The following CNKSR3 variants were observed in gnomAD, a reference collection of about 807,000 sequenced individuals.
The protein encoded by CNKSR3 is CNKSR family member 3.
CNKSR3 carries 36 observed loss-of-function variants against 67.7 expected under a neutral mutation model. The ratio of observed to expected loss-of-function variants is 0.53; its 90% CI spans 0.41 to 0.70. The LOEUF is 0.70. CNKSR3 is among the 30% of genes least tolerant of loss of function. CNKSR3 has a pLI of 0.00. For missense variants in CNKSR3, 630 were observed against 695.2 expected (o/e 0.91, Z 1.05); for synonymous variants, 281 against 271.4 (o/e 1.04, Z -0.35).
chr6:154,492,745 C>CAA (rs71268487), intron 1 of CNKSR3, among the ~76,000 whole-genome samples: 22,677 of 113,458 alleles, frequency 0.2, 2,045 homozygotes, highest in African/African-American at 0.26. Flanking sequence ...GACTCTGTCT[C>CAA]AAAAAAAAAA....
intron 1 of CNKSR3, among the ~76,000 whole-genome samples, chr6:154,472,971 G>GATA (rs1786363959): frequency 6.6e-6 from 1 of 152,146 alleles, no homozygotes; most frequent in Non-Finnish European, 1.5e-5. Flanking sequence ...GAGCTTTTAT[G>GATA]GAGGGCCTGC....
Position 154,510,221 on chromosome 6 carries a change from C to T in CNKSR3, c.-107G>A, listed in dbSNP as rs919452512. 10 of 1,332,050 alleles carry T rather than the reference C, an allele frequency of 7.5e-6. No homozygotes were observed. In the African/African-American group the frequency reaches 1.0e-4, roughly 13 times the overall value. The allele number at this position is 1,332,050 out of a possible 1,614,324, so 82.5% of individuals were successfully genotyped here. A position where few individuals can be genotyped will look rare whatever the true frequency, so the allele number is the denominator to read the frequency against. ...GGGCGCGCCCGCGGCTGCTCCCCTG[C>T]GCCCGAGCGACTCCGTCAAGACTGC... On this transcript the variant is annotated 5_prime_UTR_variant, in exon 1 of 13. Transcript: ENST00000607772.
chr6:154,441,449 A>AGCTATGCTTACC, intron 3 of CNKSR3, 70 bp from the exon 4 acceptor site: 23 of 1,102,194 alleles, frequency 2.1e-5, no homozygotes, highest in Non-Finnish European at 2.9e-5. Context: ...GGATGTTGGT[A>AGCTATGCTTACC]AGCATAGCTA....
At position 154,487,493 on chromosome 6, in the gene CNKSR3, T is replaced by C. The variant is rs1208877703; in HGVS notation, c.52+22570A>G. On this transcript the variant is annotated intron_variant, in intron 1 of 12. Coordinates refer to ENST00000607772, the MANE Select transcript of CNKSR3 (RefSeq NM_173515.4). ...CATGAGAGGAGTAAAGGATCCAAAC[T>C]TGGGCAGCTCCTGAACAGCCCTGGT... 2.6e-5 allele frequency among the ~76,000 whole-genome samples: 4 copies of C among 152,282 alleles called. 1 individual carries two copies. In the South Asian group the frequency reaches 6.2e-4, roughly 24 times the overall value.
At position 154,400,059 on chromosome 6, in the gene CNKSR3, C is replaced by T. The variant is rs1368470955; in HGVS notation, c.*6295G>A. The T allele has an allele frequency of 6.6e-6, 1 of 152,156 alleles. No homozygotes were observed. The highest frequency in any genetic ancestry group is 1.9e-4 in the East Asian group (1 of 5,194). The allele number at this position is 152,156 out of a possible 1,614,324, so 9.4% of individuals were successfully genotyped here. A position where few individuals can be genotyped will look rare whatever the true frequency, so the allele number is the denominator to read the frequency against. ...TATCCCTGGGTGTGAGGAGTAATTA[C>T]TCTACTGCCCTTTTAAATACCTTTG... On this transcript the variant is annotated 3_prime_UTR_variant, in exon 13 of 13. Coordinates refer to ENST00000607772, the MANE Select transcript of CNKSR3 (RefSeq NM_173515.4).
intron 1 of CNKSR3, among the ~76,000 whole-genome samples, chr6:154,457,940 G>A (rs933003100): frequency 2.0e-5 from 3 of 152,162 alleles, no homozygotes; most frequent in Admixed American, 6.5e-5. Flanking sequence ...CTGTTCTGCT[G>A]AGTTTCTCCA....
At chr6:154,462,843 A>G (rs181621044) in intron 1 of CNKSR3, among the ~76,000 whole-genome samples, 21 of 152,268 alleles carry the variant, frequency 1.4e-4, no homozygotes, top group African/African-American at 4.8e-4. Context: ...TGCTGCAGCG[A>G]GCCCCCTGCC....
At chr6:154,430,247 A>C (rs1004712158) in intron 6 of CNKSR3, among the ~76,000 whole-genome samples, 24 of 152,238 alleles carry the variant, frequency 1.6e-4, no homozygotes, top group African/African-American at 5.8e-4. Flanking sequence ...GTTATCTTCA[A>C]AATACGAGTA....
At position 154,402,750 on chromosome 6, in the gene CNKSR3, A is replaced by C. The variant is rs1446086389; in HGVS notation, c.*3604T>G. ...AATTGGCCACATTTTAGAAAATCAT[A>C]CTGCTGACATCGACCCCTTTCCTGG... is the stretch of plus-strand genomic sequence containing the variant. On this transcript the variant is annotated 3_prime_UTR_variant, in exon 13 of 13. Transcript: ENST00000607772. The C allele has an allele frequency of 6.6e-6, 1 of 152,192 alleles. No homozygotes were observed. The highest frequency in any genetic ancestry group is 2.4e-5 in the African/African-American group (1 of 41,448). 9.4% of individuals were successfully genotyped at this position (152,192 alleles called of 1,614,324 possible).
At chr6:154,451,693 G>C (rs1368348301) in intron 1 of CNKSR3, among the ~76,000 whole-genome samples, 1 of 152,120 alleles carries the variant, frequency 6.6e-6, no homozygotes, top group African/African-American at 2.4e-5. Flanking sequence ...CTACATCTCT[G>C]CCCTGCAAAT....
In CNKSR3 at chr6:154,462,053, TA is replaced by T. The variant is rs556828390; in HGVS notation, c.53-11796del. 5.1e-4 allele frequency among the ~76,000 whole-genome samples: 78 copies of T among 152,352 alleles called. No homozygotes were observed. The Middle Eastern group carries it at 0.027, about 53-fold the overall frequency. On this transcript the variant is annotated intron_variant, in intron 1 of 12. Coordinates refer to ENST00000607772, the MANE Select transcript of CNKSR3 (RefSeq NM_173515.4). ...TTGCCAGGCAGCATTAAAGTCTTTC[TA>T]AAATGTTTTAATAGCAGCTTTATTG...
chr6:154,464,592 T>C (rs1562345057), intron 1 of CNKSR3, among the ~76,000 whole-genome samples: 1 of 151,318 alleles, frequency 6.6e-6, no homozygotes, highest in Non-Finnish European at 1.5e-5. Context: ...GTTGCTCACC[T>C]GTAATCCCAG....
At position 154,408,691 on chromosome 6, in the gene CNKSR3, T is replaced by C. The variant is rs549457578; in HGVS notation, c.1369+1652A>G. 3.8e-4 allele frequency among the ~76,000 whole-genome samples: 58 copies of C among 152,318 alleles called. 1 individual carries two copies. In the South Asian group the frequency reaches 0.011, roughly 29 times the overall value. On this transcript the variant is annotated intron_variant, in intron 12 of 12. Coordinates refer to ENST00000607772, the MANE Select transcript of CNKSR3 (RefSeq NM_173515.4). Reference sequence around the variant, plus strand: ...TCTTTTTGGAGTGACAAAAATGTTCTGGAATAGTGGCAACTGGGGTACAAC... The same window carrying C: ...TCTTTTTGGAGTGACAAAAATGTTCCGGAATAGTGGCAACTGGGGTACAAC...
At chr6:154,493,645 G>C (rs573693753) in intron 1 of CNKSR3, among the ~76,000 whole-genome samples, 1 of 152,300 alleles carries the variant, frequency 6.6e-6, no homozygotes, top group East Asian at 1.9e-4. Context: ...ACAGAGAAAA[G>C]TTTAGTTGAC....
intron 1 of CNKSR3, among the ~76,000 whole-genome samples, chr6:154,463,214 C>T (rs918886271): frequency 6.6e-5 from 10 of 151,078 alleles, no homozygotes; most frequent in Non-Finnish European, 1.2e-4. Context: ...GGACTACAGG[C>T]GCCCACCACC....
Position 154,401,275 on chromosome 6 carries a change from T to C in CNKSR3, c.*5079A>G, listed in dbSNP as rs1052136560. On this transcript the variant is annotated 3_prime_UTR_variant, in exon 13 of 13. Transcript: ENST00000607772. ...ATACCATAAGTGGGCCTTTGGGAAG[T>C]GAGTAGGTCCTGAGGGTGGAGCCCT... 1.3e-5 allele frequency: 2 copies of C among 152,038 alleles called. No homozygotes were observed. The highest frequency in any genetic ancestry group is 4.8e-5 in the African/African-American group (2 of 41,378). The allele number at this position is 152,038 out of a possible 1,614,324, so 9.4% of individuals were successfully genotyped here.
At chr6:154,504,693 T>C (rs909436990) in intron 1 of CNKSR3, among the ~76,000 whole-genome samples, 1 of 151,796 alleles carries the variant, frequency 6.6e-6, no homozygotes, top group Non-Finnish European at 1.5e-5. Context: ...TTCAAACACC[T>C]CACTGGGTTT....
chr6:154,467,143 A>T (rs1786220641), intron 1 of CNKSR3, among the ~76,000 whole-genome samples: 1 of 152,104 alleles, frequency 6.6e-6, no homozygotes, highest in South Asian at 2.1e-4. Context: ...AACAACAGCT[A>T]CTGAAACCTT....
intron 2 of CNKSR3, among the ~76,000 whole-genome samples, chr6:154,444,624 T>TTTG (rs1554233824): frequency 5.5e-5 from 8 of 145,216 alleles, no homozygotes; most frequent in African/African-American, 2.1e-4. Flanking sequence ...TTTTTTTTTT[T>TTTG]GAAACGGAGT....
Sources: allele counts gnomAD v4.1 joint callset (sites outside exome capture counted in the v4.1 genomes callset), GRCh38; gene constraint gnomAD v4.1.1; transcripts MANE v1.5; gene names NCBI Gene and HGNC (gene_info 2026-07-23, HGNC 2026-07-21).